Variants in NYAP2 observed in about 807,000 individuals in gnomAD.
The protein encoded by NYAP2 is neuronal tyrosine-phosphorylated phosphoinositide-3-kinase adapter 2.
In NYAP2, 23 loss-of-function variants were observed where a neutral mutation model predicts 50.4. The observed-to-expected ratio is 0.46, with a 90% CI of 0.33 to 0.65. The LOEUF (loss-of-function observed/expected upper bound fraction) is 0.65, where lower values mean the gene tolerates loss of function less well. NYAP2 is among the 30% of genes least tolerant of loss of function. The probability of loss-of-function intolerance (pLI) is 0.02; values close to 1 mark genes in which losing one functional copy is unlikely to be tolerated. For missense variants in NYAP2, 885 were observed against 861.0 expected (o/e 1.03, Z -0.35); for synonymous variants, 394 against 365.2 (o/e 1.08, Z -0.90).
At chr2:225,653,707 A>C (rs998749170) in exon 7 of NYAP2, 1 of 152,334 alleles carries the variant, frequency 6.6e-6, no homozygotes, top group Admixed American at 6.5e-5. Context: ...CCTCTGACTT[A>C]GCATTCAACT....
At chr2:225,512,618 T>G (rs535630978) in intron 3 of NYAP2, among the ~76,000 whole-genome samples, 41 of 143,478 alleles carry the variant, frequency 2.9e-4, no homozygotes, top group African/African-American at 1.1e-3. Flanking sequence ...TCTCCTTTGC[T>G]TTTTACTTTT....
intron 4 of NYAP2, among the ~76,000 whole-genome samples, chr2:225,546,184 A>G (rs148890169): frequency 2.6e-5 from 4 of 152,160 alleles, no homozygotes; most frequent in African/African-American, 9.6e-5. Context: ...ACCACTACCT[A>G]GCTACCACCT....
chr2:225,548,120 T>C (rs11901458), intron 4 of NYAP2, among the ~76,000 whole-genome samples: 4,162 of 152,070 alleles, frequency 0.027, 180 homozygotes, highest in African/African-American at 0.093. Flanking sequence ...AACATGTTAC[T>C]AGTAATTACT....
At chr2:225,531,155 C>T (rs1270365408) in intron 4 of NYAP2, among the ~76,000 whole-genome samples, 5 of 152,188 alleles carry the variant, frequency 3.3e-5, no homozygotes, top group East Asian at 3.8e-4. Context: ...ATTAGCATGA[C>T]CTTTTTCATC....
At chr2:225,433,427 T>G (rs1173148233) in intron 3 of NYAP2, among the ~76,000 whole-genome samples, 3 of 152,060 alleles carry the variant, frequency 2.0e-5, no homozygotes, top group Admixed American at 1.3e-4. Context: ...GCCAAAATCC[T>G]GGCGTATGTA....
rs773627897 is a variant in NYAP2 at position 225,582,922 on chromosome 2, C to T, written c.1505C>T (p.Ser502Phe). ...ACCTACGGGGCAGCCCCGGGTGGCT[C>T]CCGGTCCCGGACACCCACGAGCCCG... The change falls in exon 5 of 7, where the codon TCC (serine) becomes TTC (phenylalanine). Residue 502 changes from serine (S) to phenylalanine (F), a missense_variant. Coordinates refer to ENST00000636099, the Ensembl canonical transcript of NYAP2. This position sits in a 1 kb window ranked among gnomAD's most constrained non-coding sequence, Gnocchi z 7.0. 2.9e-5 allele frequency: 47 copies of T among 1,612,852 alleles called. No homozygotes were observed. The highest frequency in any genetic ancestry group is 1.0e-4 in the Admixed American group (6 of 60,002).
At chr2:225,632,928 G>A (rs1455644777) in intron 6 of NYAP2, among the ~76,000 whole-genome samples, 1 of 152,138 alleles carries the variant, frequency 6.6e-6, no homozygotes, top group Non-Finnish European at 1.5e-5. Context: ...ATAATTAAAT[G>A]TATTATTTTC....
chr2:225,581,511 A>G (rs571167822), intron 4 of NYAP2, among the ~76,000 whole-genome samples: 53 of 152,362 alleles, frequency 3.5e-4, no homozygotes, highest in African/African-American at 1.2e-3. Flanking sequence ...TCAGTAAAAC[A>G]GTGCAATCTG....
chr2:225,676,338 G>A, the NYAP2 span, among the ~76,000 whole-genome samples: 1 of 152,006 alleles, frequency 6.6e-6, no homozygotes, highest in African/African-American at 2.4e-5. Context: ...ATGGTGAGAG[G>A]TACGGGTCTA....
At chr2:225,686,210 A>G in the NYAP2 span, among the ~76,000 whole-genome samples, 1 of 152,162 alleles carries the variant, frequency 6.6e-6, no homozygotes, top group Non-Finnish European at 1.5e-5. Context: ...TTTGCTCCTA[A>G]GAGATACAAA....
intron 3 of NYAP2, among the ~76,000 whole-genome samples, chr2:225,492,935 C>CA (rs1317789569): frequency 3.3e-5 from 5 of 151,952 alleles, no homozygotes; most frequent in South Asian, 2.1e-4. Flanking sequence ...CAAACTAAAT[C>CA]AATGTATCCT....
At chr2:225,675,158 ATAGTT>A in the NYAP2 span, among the ~76,000 whole-genome samples, 1 of 152,096 alleles carries the variant, frequency 6.6e-6, no homozygotes, top group African/African-American at 2.4e-5. Flanking sequence ...AACTTTTATT[ATAGTT>A]TAAAGTATAC....
the NYAP2 span, among the ~76,000 whole-genome samples, chr2:225,660,386 T>C: frequency 3.1e-3 from 475 of 150,904 alleles, 4 homozygotes; most frequent in Middle Eastern, 0.01. Context: ...TAAGTCTATA[T>C]AGGAAGCTAT....
At chr2:225,691,749 AC>A in the NYAP2 span, among the ~76,000 whole-genome samples, 1 of 152,064 alleles carries the variant, frequency 6.6e-6, no homozygotes, top group East Asian at 1.9e-4. Context: ...AGTCACACAC[AC>A]TGGGTTTCAT....
the NYAP2 span, among the ~76,000 whole-genome samples, chr2:225,681,729 T>G: frequency 1.3e-5 from 2 of 152,206 alleles, no homozygotes; most frequent in Non-Finnish European, 2.9e-5. Flanking sequence ...AGAGCCACAT[T>G]CTACAAGACT....
intron 5 of NYAP2, among the ~76,000 whole-genome samples, chr2:225,610,422 A>G (rs1048384305): frequency 9.2e-5 from 14 of 152,028 alleles, no homozygotes; most frequent in Admixed American, 1.3e-4. Context: ...TTCACCCTTC[A>G]TTACCTTGTT....
At chr2:225,433,685 C>T (rs1194925512) in intron 3 of NYAP2, among the ~76,000 whole-genome samples, 1 of 151,290 alleles carries the variant, frequency 6.6e-6, no homozygotes, top group Non-Finnish European at 1.5e-5. Flanking sequence ...GGCGTGATGG[C>T]GGGCGCCTGT....
chr2:225,575,890 T>C (rs73090821), intron 4 of NYAP2, among the ~76,000 whole-genome samples: 1,740 of 152,320 alleles, frequency 0.011, 43 homozygotes, highest in African/African-American at 0.04. Context: ...GCTTAAATAT[T>C]GTTTCAAGAA....
chr2:225,650,708 C>G (rs1343002744), intron 6 of NYAP2, among the ~76,000 whole-genome samples: 2 of 152,062 alleles, frequency 1.3e-5, no homozygotes, highest in Non-Finnish European at 2.9e-5. Context: ...CTTGTTTTTC[C>G]TTTGTCAAAT....
Sources: allele counts gnomAD v4.1 joint callset (sites outside exome capture counted in the v4.1 genomes callset), GRCh38; gene constraint gnomAD v4.1.1; non-coding constraint Gnocchi (gnomAD v3.1); transcripts MANE v1.5; gene names NCBI Gene and HGNC (gene_info 2026-07-23, HGNC 2026-07-21).